The following FSTL5 variants were observed in gnomAD, a reference collection of about 807,000 sequenced individuals.
FSTL5 encodes follistatin like 5, also known as follistatin-related protein 5.
Under a neutral mutation model 89.1 loss-of-function variants are expected in FSTL5, and 62 were observed. The observed-to-expected ratio is 0.70, with a 90% CI of 0.57 to 0.86. The LOEUF (loss-of-function observed/expected upper bound fraction) is 0.86. Ranked by LOEUF, FSTL5 falls within the 40% of genes least tolerant of loss-of-function variation. The pLI, the probability that FSTL5 is intolerant of heterozygous loss-of-function variation, is 0.00. For synonymous variants in FSTL5, 383 were observed against 346.2 expected, an observed-to-expected ratio of 1.11 and a Z score of -1.18; for missense variants, 1,057 against 1,001.6, an observed-to-expected ratio of 1.06 and a Z score of -0.75.
In FSTL5 at chr4:161,880,165, G is replaced by C. The variant is rs141956079; in HGVS notation, c.409+40239C>G. On this transcript the variant is annotated intron_variant, in intron 4 of 15. Coordinates refer to ENST00000306100, the MANE Select transcript of FSTL5 (RefSeq NM_020116.5). ...AGGAGGCACTGGAGTGGTGGTAATGGTAAAGGTAAATTTTACTGCATGCAA... is the reference window on the plus strand; with the variant it reads ...AGGAGGCACTGGAGTGGTGGTAATGCTAAAGGTAAATTTTACTGCATGCAA... Among the ~76,000 whole-genome samples the C allele has an allele frequency of 9.1e-3, 1,388 of 152,106 alleles. 19 individuals are homozygous for C. Among genetic ancestry groups the C allele is most frequent in the African/African-American group, 0.031 (1,289 of 41,508 alleles).
Position 162,101,830 on chromosome 4 carries a change from A to T in FSTL5, c.126+9441T>A, listed in dbSNP as rs551757489. On this transcript the variant is annotated intron_variant, in intron 2 of 15. Coordinates refer to ENST00000306100, the MANE Select transcript of FSTL5 (RefSeq NM_020116.5). The stretch of plus-strand genomic sequence containing the variant: ...TAATTGAAGTCACAATGGAATTTTT[A>T]ATAATAAAACATGCAGAAAATAACT... 5.3e-5 allele frequency among the ~76,000 whole-genome samples: 8 copies of T among 152,330 alleles called. No homozygotes were observed. In the East Asian group the frequency reaches 1.5e-3, roughly 29 times the overall value.
chr4:161,936,102 C>A (rs538375096), intron 3 of FSTL5, among the ~76,000 whole-genome samples: 1 of 152,222 alleles, frequency 6.6e-6, no homozygotes, highest in South Asian at 2.1e-4. Flanking sequence ...TTCGCTTGAA[C>A]CCAGGAGGCA....
At chr4:161,969,522 T>C (rs955892363) in intron 3 of FSTL5, among the ~76,000 whole-genome samples, 15 of 151,946 alleles carry the variant, frequency 9.9e-5, no homozygotes, top group African/African-American at 3.6e-4. Flanking sequence ...GGAAAAAAAA[T>C]CAAGTTATCA....
At chr4:161,848,709 ATCG>A (rs964450521) in intron 4 of FSTL5, among the ~76,000 whole-genome samples, 1 of 152,124 alleles carries the variant, frequency 6.6e-6, no homozygotes, top group African/African-American at 2.4e-5. Context: ...TCTACTCCAT[ATCG>A]TCGTCATTTG....
At chr4:161,716,831 C>T (rs774528987) in intron 6 of FSTL5, among the ~76,000 whole-genome samples, 3 of 152,062 alleles carry the variant, frequency 2.0e-5, no homozygotes, top group Non-Finnish European at 2.9e-5. Context: ...TTGTTCACAA[C>T]ATGAATGAAT....
chr4:162,159,327 A>G (rs577365013), intron 1 of FSTL5, among the ~76,000 whole-genome samples: 3 of 152,178 alleles, frequency 2.0e-5, no homozygotes, highest in Admixed American at 6.6e-5. Context: ...AAGTTTCTCT[A>G]TTACAATGTA....
At chr4:161,997,158 GA>G (rs1736319423) in intron 3 of FSTL5, among the ~76,000 whole-genome samples, 1 of 152,122 alleles carries the variant, frequency 6.6e-6, no homozygotes, top group Non-Finnish European at 1.5e-5. Context: ...GCAACATTTT[GA>G]ACTAATAAGT....
chr4:161,986,901 G>T (rs1039921958), intron 3 of FSTL5, among the ~76,000 whole-genome samples: 3 of 152,138 alleles, frequency 2.0e-5, no homozygotes, highest in African/African-American at 2.4e-5. Context: ...GAAAACTACC[G>T]CAGATTGATC....
chr4:161,716,737 TAGAATGTG>T (rs1377365625), intron 6 of FSTL5, among the ~76,000 whole-genome samples: 2 of 152,222 alleles, frequency 1.3e-5, no homozygotes, highest in Non-Finnish European at 2.9e-5. Flanking sequence ...CACCCTCCAG[TAGAATGTG>T]AGACTTTATG....
intron 4 of FSTL5, among the ~76,000 whole-genome samples, chr4:161,815,124 A>G (rs1412393406): frequency 6.6e-6 from 1 of 152,042 alleles, no homozygotes; most frequent in Admixed American, 6.6e-5. Flanking sequence ...TTTATATTAA[A>G]ATTCAAGGTT....
chr4:162,153,292 A>G (rs6818975), intron 1 of FSTL5, among the ~76,000 whole-genome samples: 76,664 of 151,716 alleles, frequency 0.51, 19,793 homozygotes, highest in Admixed American at 0.58. Flanking sequence ...GAAATTACTT[A>G]ATGGGTTCCT....
At chr4:162,096,983 G>C (rs1420861166) in intron 2 of FSTL5, among the ~76,000 whole-genome samples, 1 of 151,818 alleles carries the variant, frequency 6.6e-6, no homozygotes, top group Non-Finnish European at 1.5e-5. Context: ...TGAAATAGCA[G>C]TTTGTTTTTA....
intron 7 of FSTL5, among the ~76,000 whole-genome samples, chr4:161,636,169 T>A (rs190583129): frequency 7.9e-5 from 12 of 152,126 alleles, no homozygotes; most frequent in African/African-American, 2.9e-4. Flanking sequence ...GATTAATCAC[T>A]TCTAATAGTT....
chr4:162,072,468 A>G (rs1362989142), intron 2 of FSTL5, among the ~76,000 whole-genome samples: 1 of 151,846 alleles, frequency 6.6e-6, no homozygotes, highest in African/African-American at 2.4e-5. Context: ...TCAACAAATG[A>G]ATTCACAAGT....
intron 3 of FSTL5, among the ~76,000 whole-genome samples, chr4:161,929,146 CTCTT>C (rs1251036683): frequency 6.6e-6 from 1 of 151,248 alleles, no homozygotes; most frequent in Non-Finnish European, 1.5e-5. Context: ...GTTGCTCTCT[CTCTT>C]TCTTTCCTTT....
At chr4:162,029,363 A>T (rs1737430277) in intron 3 of FSTL5, among the ~76,000 whole-genome samples, 1 of 152,200 alleles carries the variant, frequency 6.6e-6, no homozygotes. Flanking sequence ...ACATCAATAT[A>T]TATGACATAA....
chr4:161,447,061 A>G (rs1404998100), intron 15 of FSTL5, among the ~76,000 whole-genome samples: 1 of 152,074 alleles, frequency 6.6e-6, no homozygotes, highest in Non-Finnish European at 1.5e-5. Flanking sequence ...TTTACTGAAC[A>G]CTTTGATGAG....
chr4:161,549,741 A>G (rs935610754), intron 8 of FSTL5, among the ~76,000 whole-genome samples: 1 of 151,968 alleles, frequency 6.6e-6, no homozygotes, highest in South Asian at 2.1e-4. Flanking sequence ...TAATGCATGT[A>G]TTTTGAACTA....
chr4:161,650,120 T>A (rs1736285045), intron 7 of FSTL5, among the ~76,000 whole-genome samples: 1 of 152,194 alleles, frequency 6.6e-6, no homozygotes, highest in Non-Finnish European at 1.5e-5. Context: ...TGGAAGTTAA[T>A]AGTAACACAG....
Sources: gnomAD v4.1 joint callset for allele counts (sites outside exome capture counted in the v4.1 genomes callset) on GRCh38, gnomAD v4.1.1 for gene constraint, MANE v1.5 for transcripts, NCBI Gene and HGNC (gene_info 2026-07-23, HGNC 2026-07-21) for gene names.